Variants in TAB1 observed in about 807,000 individuals in gnomAD.
TAB1 encodes TGF-beta-activated kinase 1 and MAP3K7-binding protein 1.
Under a neutral mutation model 54.5 loss-of-function variants are expected in TAB1, and 30 were observed. The ratio of observed to expected loss-of-function variants is 0.55; its 90% CI spans 0.41 to 0.75. The LOEUF (loss-of-function observed/expected upper bound fraction) is 0.75. TAB1 is among the 30% of genes least tolerant of loss of function. The pLI is 0.00. For synonymous variants in TAB1, 289 were observed against 286.9 expected (o/e 1.01, Z -0.07); for missense variants, 609 against 683.2 (o/e 0.89, Z 1.21).
At chr22:39,426,969 G>A (rs1276176036) in intron 9 of TAB1, 44 bp downstream of exon 9, 7 of 1,581,162 alleles carry the variant, frequency 4.4e-6, no homozygotes, top group Middle Eastern at 1.9e-4. Flanking sequence ...GATGCCATCT[G>A]GGGGCCAGAG....
intron 6 of TAB1, 100 bp downstream of exon 6, chr22:39,418,945 T>C: frequency 1.1e-6 from 1 of 952,060 alleles, no homozygotes; most frequent in South Asian, 1.4e-5. Context: ...GGGGCTGTGA[T>C]CTTGGGCTCC....
chr22:39,411,911 T>C (rs73416327), intron 1 of TAB1, among the ~76,000 whole-genome samples: 2,093 of 152,318 alleles, frequency 0.014, 46 homozygotes, highest in African/African-American at 0.048. Context: ...AGAGAGACTG[T>C]TGATGCACAC....
At chr22:39,428,491 G>A (rs148565186) in intron 10 of TAB1, among the ~76,000 whole-genome samples, 29 of 152,364 alleles carry the variant, frequency 1.9e-4, no homozygotes, top group Non-Finnish European at 2.6e-4. Flanking sequence ...TTCCTGTGGT[G>A]TCCTTGCTTG....
At chr22:39,436,806 C>T, downstream of TAB1, 1 of 556,356 alleles carries the variant, frequency 1.8e-6, no homozygotes, top group South Asian at 2.2e-5. Context: ...GGACTTATCC[C>T]CCAAGGCTGT....
rs144837014 is a variant in TAB1, at chr22:39,431,713, A to G, written c.*1491A>G. 4 of 985,504 alleles carry G rather than the reference A, an allele frequency of 4.1e-6. No individual in the cohort carries two copies. In the East Asian group the frequency reaches 4.5e-4, roughly 112 times the overall value. 61.0% of individuals were successfully genotyped at this position (985,504 alleles called of 1,614,324 possible). A position where few individuals can be genotyped will look rare whatever the true frequency, so the allele number is the denominator to read the frequency against. ...CTCCCTCACTCCCCACTTTGAAGCC[A>G]TCTCTGTTCTGCAGGTGAGAGGATT... On this transcript the variant is annotated 3_prime_UTR_variant, in exon 11 of 11. Coordinates refer to ENST00000216160, the MANE Select transcript of TAB1 (RefSeq NM_006116.3).
At chr22:39,413,046 C>G (rs902641947) in intron 1 of TAB1, among the ~76,000 whole-genome samples, 2 of 151,888 alleles carry the variant, frequency 1.3e-5, no homozygotes, top group African/African-American at 4.8e-5. Flanking sequence ...TCCAGAGTAG[C>G]TGGGACTACA....
At chr22:39,416,202 C>A (rs35506409) in intron 3 of TAB1, among the ~76,000 whole-genome samples, 1 of 152,176 alleles carries the variant, frequency 6.6e-6, no homozygotes, top group Non-Finnish European at 1.5e-5. Context: ...GTGGTGCCAG[C>A]CTTTTCCTGC....
Position 39,399,839 on chromosome 22 carries a change from A to T in TAB1, c.33+4A>T. On this transcript the variant is annotated splice_donor_region_variant and intron_variant, in intron 1 of 10. Transcript: ENST00000216160. ...GAGGAGGAGCTTGCTGCAGAGTGTG[A>T]GGAACAGGCCCGCTCTCTGGGCTTG... 6.3e-7 allele frequency: 1 copy of T among 1,596,732 alleles called. No homozygotes were observed. Among genetic ancestry groups the T allele is most frequent in the Non-Finnish European group, 8.5e-7 (1 of 1,172,094 alleles).
intron 8 of TAB1, 46 bp downstream of exon 8, chr22:39,422,017 C>G (rs376780975): frequency 7.5e-6 from 11 of 1,476,170 alleles, no homozygotes; most frequent in Non-Finnish European, 9.0e-6. Context: ...CGTGGCTGGC[C>G]TGCATGGTGA....
chr22:39,429,780 C>T (rs1368508264), intron 10 of TAB1: 1 of 980,402 alleles, frequency 1.0e-6, no homozygotes. Context: ...CCGCGCCCAG[C>T]CCCATTTTCT....
chr22:39,404,942 G>A (rs1926299625), intron 1 of TAB1, among the ~76,000 whole-genome samples: 1 of 152,204 alleles, frequency 6.6e-6, no homozygotes, highest in Admixed American at 6.5e-5. Flanking sequence ...GGGCATTGGG[G>A]CCTTGGAAGC....
rs550249910 is a variant in TAB1 at position 39,412,141 on chromosome 22, G to C, written c.34-2865G>C. 2.0e-5 allele frequency among the ~76,000 whole-genome samples: 3 copies of C among 152,278 alleles called. No individual in the cohort carries two copies. In the South Asian group the frequency reaches 6.2e-4, roughly 32 times the overall value. ...GGCAACCTCTGCCTCTCAGGTTCAG[G>C]TGATTCTCGTGCCTCAGCCTCTTGA... On this transcript the variant is annotated intron_variant, in intron 1 of 10. Coordinates refer to ENST00000216160, the MANE Select transcript of TAB1 (RefSeq NM_006116.3).
At chr22:39,420,816 TG>T (rs1927043652) in intron 7 of TAB1, among the ~76,000 whole-genome samples, 1 of 147,798 alleles carries the variant, frequency 6.8e-6, no homozygotes, top group African/African-American at 2.5e-5. Flanking sequence ...TGTGTGTGTG[TG>T]TTTGTCCTGG....
intron 6 of TAB1, among the ~76,000 whole-genome samples, chr22:39,419,064 T>C (rs1360704526): frequency 6.6e-6 from 1 of 152,200 alleles, no homozygotes; most frequent in Non-Finnish European, 1.5e-5. Context: ...AGGATAATAG[T>C]AACCTACCTC....
At chr22:39,404,217 C>T (rs1440304733) in intron 1 of TAB1, among the ~76,000 whole-genome samples, 1 of 152,104 alleles carries the variant, frequency 6.6e-6, no homozygotes, top group Non-Finnish European at 1.5e-5. Flanking sequence ...GGTGAGGGAG[C>T]CCTGGAAGAG....
intron 1 of TAB1, among the ~76,000 whole-genome samples, chr22:39,400,404 C>T (rs1243611176): frequency 1.3e-5 from 2 of 152,166 alleles, no homozygotes; most frequent in African/African-American, 4.8e-5. Context: ...CCCCTTAACC[C>T]CTGGGCTGTA....
rs1361667124 is a variant in TAB1, at chr22:39,428,183, A to G, written c.1307A>G (p.Asn436Ser). Residue 436 changes from asparagine to serine, a missense_variant and splice_region_variant, in exon 10 of 11, where the codon AAC (asparagine) becomes AGC (serine). By Grantham distance (46) the Asn-to-Ser change is conservative (BLOSUM62 1). Coordinates refer to ENST00000216160, the MANE Select transcript of TAB1 (RefSeq NM_006116.3). ...GACGAAGCCACCCCCACCCTCACCA[A>G]GTAAGTCCCTTCCCCACTGAGCCAC... ...TLDEATPTLT[N>S]QSPTLTLQST... 3.1e-6 allele frequency: 5 copies of G among 1,596,126 alleles called. No homozygotes were observed. In the African/African-American group the frequency reaches 6.7e-5, roughly 21 times the overall value.
rs76997437 is a variant in TAB1, at chr22:39,430,812, C to T, written c.*590C>T. 7.6e-5 allele frequency: 75 copies of T among 992,058 alleles called. No individual in the cohort carries two copies. In the East Asian group the frequency reaches 4.0e-3, roughly 53 times the overall value. 61.5% of individuals were successfully genotyped at this position (992,058 alleles called of 1,614,324 possible). On this transcript the variant is annotated 3_prime_UTR_variant, in exon 11 of 11. Coordinates refer to ENST00000216160, the MANE Select transcript of TAB1 (RefSeq NM_006116.3). ...AGGAGGACCAGGGCAGCATCTGGGG[C>T]CTGGGATGGCCACAGAAGGGGCAGG...
At chr22:39,400,799 GC>G (rs1926103518) in intron 1 of TAB1, among the ~76,000 whole-genome samples, 2 of 152,166 alleles carry the variant, frequency 1.3e-5, no homozygotes, top group Admixed American at 1.3e-4. Context: ...ACTATGGGAG[GC>G]TGAGGCGGGT....
Sources: gnomAD v4.1 joint callset for allele counts (sites outside exome capture counted in the v4.1 genomes callset) on GRCh38, gnomAD v4.1.1 for gene constraint, MANE v1.5 for transcripts, NCBI Gene and HGNC (gene_info 2026-07-23, HGNC 2026-07-21) for gene names.